CSMD1: variants seen among roughly 807,000 people sequenced by gnomAD.
CSMD1 encodes the protein CUB and sushi domain-containing protein 1.
A neutral mutation model predicts 417.5 loss-of-function variants in CSMD1; 213 were observed. The observed-to-expected ratio is 0.51, with a 90% CI of 0.46 to 0.57. CSMD1 has a LOEUF of 0.57. Among genes scored for constraint, CSMD1 ranks in the 20% least tolerant of loss-of-function variants. CSMD1 has a pLI of 0.00. For synonymous variants in CSMD1, 2,862 were observed against 1,736.8 expected (o/e 1.65, Z -16.11); for missense variants, 6,923 against 4,529.7 (o/e 1.53, Z -15.17).
chr8:3,747,912 C>G (rs747847984), intron 6 of CSMD1, among the ~76,000 whole-genome samples: 3 of 152,066 alleles, frequency 2.0e-5, no homozygotes, highest in Non-Finnish European at 2.9e-5. Context: ...GAGCTCCCTC[C>G]CACTTCCCAG....
At chr8:3,501,114 A>G (rs1290672023) in intron 10 of CSMD1, among the ~76,000 whole-genome samples, 1 of 152,228 alleles carries the variant, frequency 6.6e-6, no homozygotes, top group East Asian at 1.9e-4. Context: ...CAATTTACTG[A>G]AAAAAATTCA....
At chr8:3,488,810 G>C (rs539432666) in intron 11 of CSMD1, among the ~76,000 whole-genome samples, 2 of 152,158 alleles carry the variant, frequency 1.3e-5, no homozygotes, top group East Asian at 1.9e-4. Flanking sequence ...CAGGCTCAAA[G>C]GCAGTGCCAT....
At chr8:3,366,577 T>C (rs529792548) in intron 20 of CSMD1, among the ~76,000 whole-genome samples, 2 of 152,254 alleles carry the variant, frequency 1.3e-5, no homozygotes, top group African/African-American at 4.8e-5. Context: ...CATCCTCAAC[T>C]GTGTGTGTCC....
At chr8:3,913,995 A>G (rs772909845) in intron 5 of CSMD1, among the ~76,000 whole-genome samples, 2 of 152,120 alleles carry the variant, frequency 1.3e-5, no homozygotes, top group Non-Finnish European at 2.9e-5. Flanking sequence ...AAATTTTGTA[A>G]TACTTTGTTA....
chr8:4,965,775 C>T (rs965179677), intron 1 of CSMD1, among the ~76,000 whole-genome samples: 1 of 152,016 alleles, frequency 6.6e-6, no homozygotes, highest in Non-Finnish European at 1.5e-5. Context: ...AAAAACTGCC[C>T]AGAATTCAAT....
chr8:3,362,423 T>A (rs1809251950), intron 20 of CSMD1, among the ~76,000 whole-genome samples: 1 of 152,104 alleles, frequency 6.6e-6, no homozygotes, highest in Admixed American at 6.5e-5. Context: ...ACTAAGTAGG[T>A]TTTAATACAG....
intron 26 of CSMD1, among the ~76,000 whole-genome samples, chr8:3,234,350 G>A (rs952999897): frequency 3.3e-5 from 5 of 152,060 alleles, no homozygotes; most frequent in Admixed American, 6.6e-5. Context: ...TACTGCAAAC[G>A]GAAGCCACTC....
intron 11 of CSMD1, among the ~76,000 whole-genome samples, chr8:3,472,029 C>T (rs968054300): frequency 6.6e-6 from 1 of 152,084 alleles, no homozygotes; most frequent in African/African-American, 2.4e-5. Context: ...CACTTTGAGA[C>T]TTATGCCACC....
chr8:3,111,000 C>A (rs1237961721), intron 42 of CSMD1, among the ~76,000 whole-genome samples: 1 of 151,788 alleles, frequency 6.6e-6, no homozygotes, highest in Non-Finnish European at 1.5e-5. Flanking sequence ...ATGACATGTC[C>A]AAACACTAAT....
At chr8:3,787,405 T>G (rs1323979528) in intron 5 of CSMD1, among the ~76,000 whole-genome samples, 1 of 152,132 alleles carries the variant, frequency 6.6e-6, no homozygotes, top group Non-Finnish European at 1.5e-5. Context: ...TTCTCCTGTT[T>G]TGTGGGAAAT....
chr8:3,082,688 T>A (rs540877180), intron 49 of CSMD1, among the ~76,000 whole-genome samples: 6 of 152,232 alleles, frequency 3.9e-5, no homozygotes, highest in Non-Finnish European at 7.3e-5. Context: ...ACAACCTTAA[T>A]GTACAAAAAC....
intron 5 of CSMD1, among the ~76,000 whole-genome samples, chr8:3,817,790 T>A (rs1228468948): frequency 6.6e-6 from 1 of 151,862 alleles, no homozygotes; most frequent in Admixed American, 6.6e-5. Context: ...CAGACCAAAG[T>A]CAGGAATGTT....
intron 7 of CSMD1, among the ~76,000 whole-genome samples, chr8:3,695,944 G>C (rs1206480955): frequency 6.6e-6 from 1 of 152,260 alleles, no homozygotes; most frequent in East Asian, 1.9e-4. Context: ...AGACAAATCA[G>C]ACCTTCCAAA....
chr8:3,836,280 T>C (rs554741519), intron 5 of CSMD1, among the ~76,000 whole-genome samples: 1 of 152,274 alleles, frequency 6.6e-6, no homozygotes, highest in African/African-American at 2.4e-5. Flanking sequence ...ATTAAAAAAC[T>C]GATTGAAGCT....
intron 3 of CSMD1, among the ~76,000 whole-genome samples, chr8:4,417,613 C>G (rs897351918): frequency 2.6e-5 from 4 of 151,890 alleles, no homozygotes; most frequent in African/African-American, 7.2e-5. Flanking sequence ...GTATTTTATT[C>G]TATTATTTGA....
chr8:4,379,633 C>G (rs1477580134), intron 3 of CSMD1, among the ~76,000 whole-genome samples: 2 of 151,470 alleles, frequency 1.3e-5, no homozygotes, highest in African/African-American at 2.4e-5. Flanking sequence ...TTTATTAACA[C>G]CAAAATGAGT....
chr8:4,413,596 G>C (rs150006311), intron 3 of CSMD1, among the ~76,000 whole-genome samples: 11 of 152,196 alleles, frequency 7.2e-5, no homozygotes, highest in Middle Eastern at 3.4e-3. Context: ...CTTATTATGA[G>C]ATCTACCCTT....
At chr8:3,518,325 G>T (rs750721639) in intron 10 of CSMD1, among the ~76,000 whole-genome samples, 1 of 152,044 alleles carries the variant, frequency 6.6e-6, no homozygotes, top group South Asian at 2.1e-4. Flanking sequence ...AATTCCTCTG[G>T]AGCTTAAATG....
intron 26 of CSMD1, among the ~76,000 whole-genome samples, chr8:3,261,519 A>G (rs1434818043): frequency 6.6e-6 from 1 of 152,190 alleles, no homozygotes; most frequent in Non-Finnish European, 1.5e-5. Flanking sequence ...AGAAAAATAA[A>G]ATAATTTTGA....
Sources: allele counts gnomAD v4.1 joint callset (sites outside exome capture counted in the v4.1 genomes callset), GRCh38; gene constraint gnomAD v4.1.1; transcripts MANE v1.5; gene names NCBI Gene and HGNC (gene_info 2026-07-23, HGNC 2026-07-21).